IQGAP2: variants seen among roughly 807,000 people sequenced by gnomAD.
IQGAP2 encodes IQ motif containing GTPase activating protein 2, also known as ras GTPase-activating-like protein IQGAP2.
Under a neutral mutation model 201.3 loss-of-function variants are expected in IQGAP2, and 173 were observed. The observed-to-expected ratio is 0.86, with a 90% CI of 0.76 to 0.98. The LOEUF (loss-of-function observed/expected upper bound fraction) is 0.98. Among genes scored for constraint, IQGAP2 ranks in the 50% least tolerant of loss-of-function variants. IQGAP2 has a pLI of 0.00. For synonymous variants in IQGAP2, 675 were observed against 673.9 expected, an observed-to-expected ratio of 1.00 and a Z score of -0.03; for missense variants, 1,687 against 1,864.8, an observed-to-expected ratio of 0.90 and a Z score of 1.76.
intron 4 of IQGAP2, among the ~76,000 whole-genome samples, chr5:76,572,638 A>C (rs1233972614): frequency 1.3e-5 from 2 of 151,682 alleles, no homozygotes; most frequent in African/African-American, 2.4e-5. Flanking sequence ...GGGTTTCCAC[A>C]TGTTGGCCAG....
intron 21 of IQGAP2, among the ~76,000 whole-genome samples, chr5:76,664,253 G>A (rs1245843752): frequency 6.6e-6 from 1 of 152,134 alleles, no homozygotes; most frequent in Non-Finnish European, 1.5e-5. Context: ...CAATATCATT[G>A]TGTCTCAGGA....
intron 13 of IQGAP2, among the ~76,000 whole-genome samples, chr5:76,626,605 T>C (rs1490823574): frequency 1.3e-5 from 2 of 152,094 alleles, no homozygotes; most frequent in African/African-American, 2.4e-5. Context: ...TACACTACAT[T>C]GTTAGGTCCT....
chr5:76,687,555 C>T (rs556999192), intron 30 of IQGAP2, among the ~76,000 whole-genome samples: 65 of 151,132 alleles, frequency 4.3e-4, no homozygotes, highest in Admixed American at 5.3e-4. Context: ...AGGAACCAGG[C>T]GACACAGCAG....
chr5:76,551,638 C>T (rs62361991), intron 2 of IQGAP2, among the ~76,000 whole-genome samples: 5 of 142,044 alleles, frequency 3.5e-5, no homozygotes, highest in Admixed American at 6.8e-5. Context: ...AGATCACTCG[C>T]GGTCCAGAGC....
At chr5:76,491,703 C>T (rs528738460) in intron 2 of IQGAP2, among the ~76,000 whole-genome samples, 62 of 152,302 alleles carry the variant, frequency 4.1e-4, no homozygotes, top group Non-Finnish European at 7.2e-4. Flanking sequence ...ATACCTGGCT[C>T]CTGTTGGTTG....
chr5:76,447,358 A>G (rs1437954131), intron 1 of IQGAP2, among the ~76,000 whole-genome samples: 1 of 152,228 alleles, frequency 6.6e-6, no homozygotes, highest in Admixed American at 6.5e-5. Context: ...CTGAGAGCAC[A>G]GGGAGAGGGA....
At chr5:76,603,962 G>A (rs1193519858) in intron 11 of IQGAP2, among the ~76,000 whole-genome samples, 2 of 152,034 alleles carry the variant, frequency 1.3e-5, no homozygotes, top group Admixed American at 1.3e-4. Context: ...GAGTTCTCTT[G>A]TGTTACTTTA....
Position 76,575,765 on chromosome 5 carries a change from C to A in IQGAP2, c.454C>A (p.Leu152Met). Residue 152 changes from leucine to methionine, a missense_variant, in exon 5 of 36, where the codon CTG (leucine) becomes ATG (methionine). Physicochemically the swap from Leu to Met is conservative, Grantham distance 15. Transcript: ENST00000274364. ...AAGAATGATATATTGCATTCACGCA[C>A]TGAGGTAGGGGGAAAATGCAGCTAA... ...IPRMIYCIHALSLYLFKLGIA... is the reference protein window; with the variant it reads ...IPRMIYCIHAMSLYLFKLGIA... The A allele has an allele frequency of 6.4e-7, 1 of 1,561,778 alleles. No individual in the cohort carries two copies. The highest frequency in any genetic ancestry group is 8.7e-7 in the Non-Finnish European group (1 of 1,146,674).
intron 2 of IQGAP2, among the ~76,000 whole-genome samples, chr5:76,551,869 C>T (rs891176008): frequency 6.8e-5 from 3 of 44,122 alleles, no homozygotes; most frequent in Admixed American, 3.2e-4. Flanking sequence ...GAGAGGGAGA[C>T]GGAGAGGGGG....
rs567565859 is a variant in IQGAP2, at chr5:76,461,028, C to A, written c.47-542C>A. The stretch of plus-strand genomic sequence containing the variant: ...CAAGTAGCTGGGACTACAGGTGCCC[C>A]CCACCACACCTGGCTAATTTTTTGT... On this transcript the variant is annotated intron_variant, in intron 1 of 35. Coordinates refer to ENST00000274364, the MANE Select transcript of IQGAP2 (RefSeq NM_006633.5). Among the ~76,000 whole-genome samples, 58 of 151,584 alleles carry A rather than the reference C, an allele frequency of 3.8e-4. 1 individual carries two copies. The highest frequency in any genetic ancestry group is 1.3e-3 in the African/African-American group (55 of 41,348).
intron 16 of IQGAP2, among the ~76,000 whole-genome samples, chr5:76,638,163 A>C (rs1751291770): frequency 6.6e-6 from 1 of 152,218 alleles, no homozygotes; most frequent in Non-Finnish European, 1.5e-5. Flanking sequence ...TATTTTAAAT[A>C]AAAGAAGAAA....
intron 2 of IQGAP2, among the ~76,000 whole-genome samples, chr5:76,473,614 TACAG>T (rs1193862752): frequency 1.3e-5 from 2 of 152,226 alleles, no homozygotes; most frequent in African/African-American, 4.8e-5. Context: ...GTGCTGGAAT[TACAG>T]GCATCAGCTA....
intron 1 of IQGAP2, among the ~76,000 whole-genome samples, chr5:76,438,208 C>G (rs1220024037): frequency 6.6e-6 from 1 of 151,982 alleles, no homozygotes; most frequent in African/African-American, 2.4e-5. Context: ...TGTAATCCAT[C>G]TGGCCCTGGG....
At chr5:76,518,745 G>T (rs1758490261) in intron 2 of IQGAP2, among the ~76,000 whole-genome samples, 1 of 152,122 alleles carries the variant, frequency 6.6e-6, no homozygotes. Flanking sequence ...CCACAAAAAA[G>T]ACTCACAGCA....
At chr5:76,693,263 T>C in intron 30 of IQGAP2, 92 bp from the exon 31 acceptor site, 1 of 720,118 alleles carries the variant, frequency 1.4e-6, no homozygotes, top group Non-Finnish European at 2.4e-6. Flanking sequence ...AGCTTCAGTA[T>C]TGTATGTGTT....
intron 2 of IQGAP2, among the ~76,000 whole-genome samples, chr5:76,533,539 TA>T (rs11321815): frequency 0.49 from 73,995 of 150,898 alleles, 18,416 homozygotes; most frequent in South Asian, 0.74. Flanking sequence ...TATATATATA[TA>T]TTTTTTTATT....
Position 76,683,761 on chromosome 5 carries a change from G to C in IQGAP2, c.3764-15G>C, listed in dbSNP as rs1745506065. On this transcript the variant is annotated splice_polypyrimidine_tract_variant and intron_variant, in intron 29 of 35. Transcript: ENST00000274364. ...GAGTGAATTGGAAAAATAACACTAG[G>C]TTTTTTCCCTACAGGGGAAGGAGCA... The C allele has an allele frequency of 3.1e-6, 5 of 1,603,020 alleles. No homozygotes were observed. Among genetic ancestry groups the C allele is most frequent in the Non-Finnish European group, 4.3e-6 (5 of 1,174,224 alleles).
chr5:76,546,190 C>T (rs1451255146), intron 2 of IQGAP2, among the ~76,000 whole-genome samples: 1 of 152,278 alleles, frequency 6.6e-6, no homozygotes, highest in East Asian at 1.9e-4. Context: ...AATCCCAGCA[C>T]TTTGGGAGGC....
intron 2 of IQGAP2, among the ~76,000 whole-genome samples, chr5:76,515,135 C>T (rs890883824): frequency 1.3e-5 from 2 of 152,212 alleles, no homozygotes; most frequent in African/African-American, 4.8e-5. Context: ...TTAACCAGTA[C>T]ATTTTAAACC....
Sources: gnomAD v4.1 joint callset for allele counts (sites outside exome capture counted in the v4.1 genomes callset) on GRCh38, gnomAD v4.1.1 for gene constraint, MANE v1.5 for transcripts, NCBI Gene and HGNC (gene_info 2026-07-23, HGNC 2026-07-21) for gene names.